Variants in ATP8A1 observed in about 807,000 individuals in gnomAD.
The protein encoded by ATP8A1 is ATPase phospholipid transporting 8A1.
ATP8A1 carries 90 observed loss-of-function variants against 177.7 expected under a neutral mutation model. The observed-to-expected ratio is 0.51, with a 90% CI of 0.43 to 0.60. The LOEUF (loss-of-function observed/expected upper bound fraction) is 0.60. ATP8A1 is among the 20% of genes least tolerant of loss of function. The probability of loss-of-function intolerance (pLI) is 0.00; values close to 1 mark genes in which losing one functional copy is unlikely to be tolerated. For missense variants in ATP8A1, 1,072 were observed against 1,392.8 expected (o/e 0.77, Z 3.67); for synonymous variants, 493 against 485.9 (o/e 1.01, Z -0.19).
At chr4:42,475,525 G>T (rs1254370703) in intron 25 of ATP8A1, among the ~76,000 whole-genome samples, 2 of 149,648 alleles carry the variant, frequency 1.3e-5, no homozygotes, top group Non-Finnish European at 3.0e-5. Context: ...CATAGAAAAG[G>T]CCATAACGGT....
intron 1 of ATP8A1, among the ~76,000 whole-genome samples, chr4:42,627,341 A>C (rs777479241): frequency 6.6e-6 from 1 of 152,178 alleles, no homozygotes; most frequent in Non-Finnish European, 1.5e-5. Context: ...AAGACATAAC[A>C]TCAACTTTCC....
chr4:42,555,198 C>CTAT (rs1730065761), intron 16 of ATP8A1, among the ~76,000 whole-genome samples: 3 of 117,484 alleles, frequency 2.6e-5, no homozygotes, highest in African/African-American at 6.6e-5. Context: ...ATCTATCTAT[C>CTAT]CTATTAGTTC....
intron 15 of ATP8A1, chr4:42,561,912 A>T (rs1228809536): frequency 1.3e-5 from 2 of 152,204 alleles, no homozygotes; most frequent in African/African-American, 4.8e-5. Flanking sequence ...GCCAGGTGTT[A>T]GTTGCACTAA....
intron 33 of ATP8A1, among the ~76,000 whole-genome samples, chr4:42,432,074 C>G (rs999613839): frequency 2.0e-5 from 3 of 152,110 alleles, no homozygotes; most frequent in African/African-American, 7.2e-5. Context: ...TGCTGTATTC[C>G]CATTTCAGTC....
intron 5 of ATP8A1, among the ~76,000 whole-genome samples, chr4:42,612,392 T>C (rs760074396): frequency 7.4e-5 from 11 of 147,906 alleles, no homozygotes; most frequent in Non-Finnish European, 1.5e-4. Flanking sequence ...TGAGTAAGAG[T>C]TGGACCTTCC....
intron 1 of ATP8A1, among the ~76,000 whole-genome samples, chr4:42,641,291 A>G (rs986688545): frequency 6.6e-5 from 10 of 152,216 alleles, no homozygotes; most frequent in African/African-American, 2.4e-4. Flanking sequence ...CAAGGCATGT[A>G]GAGCATAAAT....
intron 20 of ATP8A1, among the ~76,000 whole-genome samples, chr4:42,527,659 TGAG>T (rs773606736): frequency 3.5e-4 from 54 of 152,288 alleles, no homozygotes; most frequent in Admixed American, 4.6e-4. Flanking sequence ...TCCCTAGACG[TGAG>T]GATGAGAGTG....
intron 25 of ATP8A1, among the ~76,000 whole-genome samples, chr4:42,482,877 T>C (rs1721836692): frequency 6.6e-6 from 1 of 152,056 alleles, no homozygotes; most frequent in Non-Finnish European, 1.5e-5. Context: ...GATTGGAAAA[T>C]AGTTTAAATT....
chr4:42,594,213 T>C, intron 6 of ATP8A1: 3 of 772,990 alleles, frequency 3.9e-6, no homozygotes, highest in Non-Finnish European at 6.3e-6. Flanking sequence ...CCTTATTTCC[T>C]TGGAGAAATC....
intron 34 of ATP8A1, 147 bp downstream of exon 34, chr4:42,423,470 G>T: frequency 2.2e-6 from 1 of 461,802 alleles, no homozygotes; most frequent in Non-Finnish European, 3.8e-6. Context: ...TCTAGTTCCT[G>T]AATCACCCCT....
chr4:42,433,463 A>G (rs1485406539), intron 33 of ATP8A1, among the ~76,000 whole-genome samples: 1 of 152,168 alleles, frequency 6.6e-6, no homozygotes, highest in Non-Finnish European at 1.5e-5. Context: ...GTTTAATTGA[A>G]CTGAATTGGG....
intron 6 of ATP8A1, among the ~76,000 whole-genome samples, chr4:42,593,429 T>C (rs1038134629): frequency 6.6e-6 from 1 of 152,104 alleles, no homozygotes; most frequent in African/African-American, 2.4e-5. Context: ...GTTACTTTAA[T>C]TGGTTGTAGA....
intron 24 of ATP8A1, among the ~76,000 whole-genome samples, chr4:42,488,097 G>A (rs1261928946): frequency 6.6e-6 from 1 of 152,092 alleles, no homozygotes; most frequent in Non-Finnish European, 1.5e-5. Flanking sequence ...ATCTATAATA[G>A]ATATCCCCTG....
intron 24 of ATP8A1, among the ~76,000 whole-genome samples, chr4:42,490,436 C>T (rs975272662): frequency 6.6e-6 from 1 of 152,194 alleles, no homozygotes; most frequent in African/African-American, 2.4e-5. Context: ...TTCCATGTTT[C>T]CCAGAGGCTA....
intron 25 of ATP8A1, among the ~76,000 whole-genome samples, chr4:42,477,055 A>T (rs576589966): frequency 1.3e-5 from 2 of 152,292 alleles, no homozygotes; most frequent in South Asian, 4.1e-4. Flanking sequence ...ATATTTACTG[A>T]TGTTATTGAA....
At chr4:42,633,119 G>A (rs1055611549) in intron 1 of ATP8A1, among the ~76,000 whole-genome samples, 13 of 152,162 alleles carry the variant, frequency 8.5e-5, no homozygotes, top group African/African-American at 3.1e-4. Context: ...GCTTTGTGAT[G>A]GTAACTCAAC....
intron 25 of ATP8A1, chr4:42,471,887 C>A: frequency 1.6e-6 from 1 of 630,672 alleles, no homozygotes; most frequent in Non-Finnish European, 3.1e-6. Flanking sequence ...ATCTTTCAGG[C>A]TCTTCTGGAG....
intron 25 of ATP8A1, among the ~76,000 whole-genome samples, chr4:42,472,862 A>G (rs1720602744): frequency 6.6e-6 from 1 of 152,192 alleles, no homozygotes; most frequent in African/African-American, 2.4e-5. Context: ...AATATGATCT[A>G]GGAAAAGGAC....
chr4:42,636,275 T>C (rs1245236830), intron 1 of ATP8A1, among the ~76,000 whole-genome samples: 3 of 152,202 alleles, frequency 2.0e-5, no homozygotes, highest in Non-Finnish European at 4.4e-5. Flanking sequence ...TTCATTTAAT[T>C]ATAAATGCAG....
Sources: allele counts gnomAD v4.1 joint callset (sites outside exome capture counted in the v4.1 genomes callset), GRCh38; gene constraint gnomAD v4.1.1; transcripts MANE v1.5; gene names NCBI Gene and HGNC (gene_info 2026-07-23, HGNC 2026-07-21).